SAMMSON: variants seen among roughly 807,000 people sequenced by gnomAD.
SAMMSON encodes the protein long intergenic non-protein coding RNA 1212.
At chr3:70,370,289 C>T (rs1702955944) in intron 9 of SAMMSON, among the ~76,000 whole-genome samples, 1 of 151,804 alleles carries the variant, frequency 6.6e-6, no homozygotes, top group South Asian at 2.1e-4. Flanking sequence ...TGTAGGTATC[C>T]CTTTGATATA....
At chr3:70,381,820 A>G (rs956978355) in intron 9 of SAMMSON, among the ~76,000 whole-genome samples, 2 of 152,152 alleles carry the variant, frequency 1.3e-5, no homozygotes, top group African/African-American at 4.8e-5. Context: ...CAGACAGGAA[A>G]AAAAGGAGAT....
chr3:70,030,844 G>T (rs2067062942), intron 3 of SAMMSON: 1 of 151,986 alleles, frequency 6.6e-6, no homozygotes, highest in Non-Finnish European at 1.5e-5. Context: ...ACCAAAATAA[G>T]ATACCACTTC....
chr3:70,045,042 A>T (rs1455600573), intron 3 of SAMMSON, among the ~76,000 whole-genome samples: 10 of 123,576 alleles, frequency 8.1e-5, no homozygotes, highest in South Asian at 4.7e-4. Flanking sequence ...TATTATAATT[A>T]ATATATATAA....
chr3:70,301,032 G>A (rs953679056), intron 7 of SAMMSON, among the ~76,000 whole-genome samples: 1 of 151,804 alleles, frequency 6.6e-6, no homozygotes, highest in Non-Finnish European at 1.5e-5. Flanking sequence ...AAGTACCTCC[G>A]CTCTTTATGT....
chr3:70,023,640 C>T lies in SAMMSON; in HGVS notation n.417+9968C>T, dbSNP rs141725755. Among the ~76,000 whole-genome samples the T allele has an allele frequency of 3.7e-3, 557 of 152,236 alleles. 2 individuals carry two copies. Among genetic ancestry groups the T allele is most frequent in the Non-Finnish European group, 5.3e-3 (359 of 68,024 alleles). ...GTGAATCTTAACTCTGCTGTAACTT[C>T]TCCTCCTACTTCTCCTTGATTCAGT... On this transcript the variant is annotated intron_variant and non_coding_transcript_variant, in intron 3 of 9. Transcript: ENST00000642114.
chr3:70,411,433 C>T (rs1238932657), intron 2 of SAMMSON, among the ~76,000 whole-genome samples: 1 of 152,180 alleles, frequency 6.6e-6, no homozygotes, highest in Non-Finnish European at 1.5e-5. Context: ...AAACATTCAG[C>T]ATATCCACTT....
chr3:70,393,371 C>G (rs1701065777), downstream of SAMMSON, among the ~76,000 whole-genome samples: 1 of 152,206 alleles, frequency 6.6e-6, no homozygotes, highest in Non-Finnish European at 1.5e-5. Flanking sequence ...TTGTACGATG[C>G]TTAACACCTC....
At chr3:70,127,497 A>G (rs1007440134) in intron 4 of SAMMSON, among the ~76,000 whole-genome samples, 3 of 152,158 alleles carry the variant, frequency 2.0e-5, no homozygotes, top group South Asian at 4.1e-4. Flanking sequence ...TGCATTTCCT[A>G]TCCTACTACC....
chr3:70,301,040 T>G (rs1702343610), intron 7 of SAMMSON, among the ~76,000 whole-genome samples: 2 of 152,140 alleles, frequency 1.3e-5, no homozygotes, highest in Non-Finnish European at 2.9e-5. Context: ...CCGCTCTTTA[T>G]GTTATAGTTT....
intron 4 of SAMMSON, among the ~76,000 whole-genome samples, chr3:70,156,082 C>A (rs986146140): frequency 2.6e-5 from 4 of 151,954 alleles, no homozygotes; most frequent in Non-Finnish European, 5.9e-5. Context: ...TGCCCTGAAT[C>A]CCTGCCTCCT....
At position 70,126,255 on chromosome 3, in the gene SAMMSON, C is replaced by CTT. The variant is rs34272654; in HGVS notation, n.507+54704_507+54705dup. ...ATCGTCTTCAACAGGGTCATCAGAC[C>CTT]TTTTTTTTTTTTTTTCAGAGACTGG... On this transcript the variant is annotated intron_variant and non_coding_transcript_variant, in intron 4 of 9. Transcript: ENST00000642114. 3.3e-3 allele frequency: 2,766 copies of CTT among 846,590 alleles called. 2 individuals are homozygous for CTT. Among genetic ancestry groups the CTT allele is most frequent in the Non-Finnish European group, 3.9e-3 (2,161 of 559,546 alleles). The allele number at this position is 846,590 out of a possible 1,614,324, so 52.4% of individuals were successfully genotyped here.
At chr3:70,371,883 G>A (rs1272087405) in intron 9 of SAMMSON, among the ~76,000 whole-genome samples, 1 of 152,220 alleles carries the variant, frequency 6.6e-6, no homozygotes, top group East Asian at 1.9e-4. Context: ...AAATAAGAGT[G>A]GTGAAAGTGG....
chr3:70,268,387 A>G (rs908189410), intron 6 of SAMMSON, among the ~76,000 whole-genome samples: 1 of 150,804 alleles, frequency 6.6e-6, no homozygotes, highest in African/African-American at 2.4e-5. Flanking sequence ...AAGCAGGAGA[A>G]TCACTTGAAC....
intron 2 of SAMMSON, among the ~76,000 whole-genome samples, chr3:70,399,854 C>CA (rs61687359): frequency 2.9e-3 from 246 of 85,452 alleles, no homozygotes; most frequent in South Asian, 0.014. Context: ...GACTCTGACT[C>CA]AAAAAAAAAA....
intron 4 of SAMMSON, among the ~76,000 whole-genome samples, chr3:70,158,098 A>G (rs979215370): frequency 6.6e-6 from 1 of 152,078 alleles, no homozygotes; most frequent in Non-Finnish European, 1.5e-5. Context: ...TACAGTTCCA[A>G]ATTTTTAAAG....
At chr3:70,406,713 G>A (rs930139916) in intron 2 of SAMMSON, among the ~76,000 whole-genome samples, 3 of 152,080 alleles carry the variant, frequency 2.0e-5, no homozygotes, top group Non-Finnish European at 4.4e-5. Flanking sequence ...GCAAATAAAT[G>A]TAACTTAAAA....
At chr3:70,433,282 T>C (rs925532026) in intron 2 of SAMMSON, among the ~76,000 whole-genome samples, 16 of 152,178 alleles carry the variant, frequency 1.1e-4, no homozygotes, top group Non-Finnish European at 2.4e-4. Flanking sequence ...CTACAAGAAA[T>C]GAGTAAGAGT....
intron 2 of SAMMSON, among the ~76,000 whole-genome samples, chr3:70,399,789 C>T (rs1163842255): frequency 2.0e-5 from 3 of 150,222 alleles, no homozygotes; most frequent in Admixed American, 6.6e-5. Context: ...GCAGGAGAAT[C>T]ACTTGAACCC....
At chr3:70,408,062 C>G (rs1701190358) in intron 2 of SAMMSON, among the ~76,000 whole-genome samples, 1 of 152,206 alleles carries the variant, frequency 6.6e-6, no homozygotes, top group South Asian at 2.1e-4. Context: ...AAGCCACGGC[C>G]CAAGCTCTAG....
Sources: gnomAD v4.1 joint callset for allele counts (sites outside exome capture counted in the v4.1 genomes callset) on GRCh38, gnomAD v4.1.1 for gene constraint, MANE v1.5 for transcripts, NCBI Gene and HGNC (gene_info 2026-07-23, HGNC 2026-07-21) for gene names.